Variants in ANKK1 observed in about 807,000 individuals in gnomAD.
ANKK1 encodes the protein ankyrin repeat and kinase domain containing 1, also known as ankyrin repeat and protein kinase domain-containing protein 1.
A neutral mutation model predicts 37.6 loss-of-function variants in ANKK1; 37 were observed. The observed-to-expected ratio is 0.98, with a 90% confidence interval of 0.76 to 1.29. The LOEUF (loss-of-function observed/expected upper bound fraction) is 1.29. ANKK1 is among the 50% of genes most tolerant of loss of function. ANKK1 has a pLI of 0.00. For synonymous variants in ANKK1, 415 were observed against 418.7 expected (o/e 0.99, Z 0.11); for missense variants, 1,019 against 990.6 (o/e 1.03, Z -0.39).
chr11:113,397,939 G>GCCACTGATCT (rs1950652416), intron 6 of ANKK1, 41 bp from the exon 7 acceptor site: 1 of 1,552,672 alleles, frequency 6.4e-7, no homozygotes, highest in Non-Finnish European at 8.7e-7. Context: ...CTAGAACTGC[G>GCCACTGATCT]CCACTGATCT....
At chr11:113,393,273 A>G (rs1451415069) in intron 1 of ANKK1, among the ~76,000 whole-genome samples, 1 of 152,018 alleles carries the variant, frequency 6.6e-6, no homozygotes, top group Non-Finnish European at 1.5e-5. Context: ...AAACTCCTTT[A>G]CTTCCTGCCT....
chr11:113,393,892 C>A (rs2138128057), intron 2 of ANKK1, 117 bp downstream of exon 2: 2 of 1,245,570 alleles, frequency 1.6e-6, no homozygotes, highest in East Asian at 2.5e-5. Context: ...CCTTCATGGA[C>A]AAATTCTAAA....
chr11:113,397,185 G>T, intron 5 of ANKK1, 39 bp from the exon 6 acceptor site: 1 of 1,559,806 alleles, frequency 6.4e-7, no homozygotes, highest in Admixed American at 1.7e-5. Context: ...GGGCCAGCCC[G>T]TTGCTTCCTT....
chr11:113,397,749 A>G (rs1018327306), intron 6 of ANKK1, among the ~76,000 whole-genome samples: 1 of 152,096 alleles, frequency 6.6e-6, no homozygotes, highest in African/African-American at 2.4e-5. Flanking sequence ...ACATGGCCCA[A>G]GGGGAAGGCA....
chr11:113,396,017 C>G (rs776205916), intron 4 of ANKK1, 50 bp from the exon 5 acceptor site: 2 of 1,598,176 alleles, frequency 1.3e-6, no homozygotes, highest in Non-Finnish European at 1.7e-6. Context: ...CCCCAGCTCC[C>G]CTCCAGCCCT....
At position 113,387,835 on chromosome 11, in the gene ANKK1, C is replaced by A; in HGVS notation, c.-50C>A. ...GCGGCGGCTCCTTCGGCCACCCAGGCAGCAGCCACAGCGGGGAGTGCGCGG... is the reference window on the plus strand; with the variant it reads ...GCGGCGGCTCCTTCGGCCACCCAGGAAGCAGCCACAGCGGGGAGTGCGCGG... On this transcript the variant is annotated 5_prime_UTR_variant, in exon 1 of 8. Coordinates refer to ENST00000303941, the MANE Select transcript of ANKK1 (RefSeq NM_178510.2). The A allele has an allele frequency of 6.9e-7, 1 of 1,440,426 alleles. No individual in the cohort carries two copies. The highest frequency in any genetic ancestry group is 9.1e-7 in the Non-Finnish European group (1 of 1,094,832). The allele number at this position is 1,440,426 out of a possible 1,614,324, so 89.2% of individuals were successfully genotyped here.
chr11:113,397,056 G>A (rs1950644370), intron 5 of ANKK1, among the ~76,000 whole-genome samples, 168 bp from the exon 6 acceptor site: 1 of 152,208 alleles, frequency 6.6e-6, no homozygotes, highest in Admixed American at 6.5e-5. Flanking sequence ...CTTGCTGAAG[G>A]TGCCCCACCA....
intron 1 of ANKK1, among the ~76,000 whole-genome samples, chr11:113,388,329 A>G (rs1350744192): frequency 6.6e-6 from 1 of 152,016 alleles, no homozygotes; most frequent in Non-Finnish European, 1.5e-5. Flanking sequence ...CCTACCAAAG[A>G]CGCCTTTATC....
In ANKK1 at chr11:113,396,020, C is replaced by T. The variant is rs367835181; in HGVS notation, c.683-47C>T. ...CCCCGCCTTCCTCCCCAGCTCCCCT[C>T]CAGCCCTACCTCTCAGCACCCACAT... On this transcript the variant is annotated intron_variant, in intron 4 of 7. Transcript: ENST00000303941. 11 of 1,600,384 alleles carry T rather than the reference C, an allele frequency of 6.9e-6. No individual in the cohort carries two copies. In the African/African-American group the frequency reaches 1.1e-4, roughly 16 times the overall value.
At position 113,399,592 on chromosome 11, in the gene ANKK1, G is replaced by A. The variant is rs979853585; in HGVS notation, c.1623G>A (p.Arg541=). 6.2e-7 allele frequency: 1 copy of A among 1,606,032 alleles called. No individual in the cohort carries two copies. The highest frequency in any genetic ancestry group is 1.7e-5 in the Admixed American group (1 of 59,098). ...TGGCAGTAGAGCGGGGCAAAGTGAG[G>A]GCCATCCAACACCTGCTGAAGAGTG... The part of the protein sequence containing the change: ...LHLAVERGKV[R]AIQHLLKSGA... Residue 541 remains arginine, a synonymous_variant, in exon 8 of 8, where the codon AGG becomes AGA. Transcript: ENST00000303941.
intron 1 of ANKK1, 51 bp from the exon 2 acceptor site, chr11:113,393,430 G>A: frequency 6.4e-7 from 1 of 1,551,436 alleles, no homozygotes; most frequent in Admixed American, 1.8e-5. Flanking sequence ...GCTGGTTGCT[G>A]TAGTAATGAA....
chr11:113,398,104 C>A, intron 7 of ANKK1, 88 bp downstream of exon 7: 2 of 1,435,478 alleles, frequency 1.4e-6, no homozygotes, highest in South Asian at 1.2e-5. Context: ...CCCCTGGCCT[C>A]CCCCTCATCC....
At chr11:113,389,209 GACATGATTAC>G (rs1950570167) in intron 1 of ANKK1, among the ~76,000 whole-genome samples, 1 of 152,148 alleles carries the variant, frequency 6.6e-6, no homozygotes, top group Non-Finnish European at 1.5e-5. Context: ...AGATGGCAGT[GACATGATTAC>G]ACTGTGAGAC....
rs528066691 is a variant in ANKK1 at position 113,399,201 on chromosome 11, G to T, written c.1232G>T (p.Cys411Phe). 6.2e-7 allele frequency: 1 copy of T among 1,603,286 alleles called. No individual in the cohort carries two copies. Among genetic ancestry groups the T allele is most frequent in the African/African-American group, 1.3e-5 (1 of 74,688 alleles). The change falls in exon 8 of 8, where the codon TGT (cysteine) becomes TTT (phenylalanine). Residue 411 changes from cysteine (C) to phenylalanine (F), a missense_variant. Physicochemically the swap from Cys to Phe is radical, Grantham distance 205. Coordinates refer to ENST00000303941, the MANE Select transcript of ANKK1 (RefSeq NM_178510.2). Reference sequence around the variant, plus strand: ...GCCCAGGACCAGCAACCCGACCTCTGTGCCCTGCTTTTGGCACATGGTGCT... The same window carrying T: ...GCCCAGGACCAGCAACCCGACCTCTTTGCCCTGCTTTTGGCACATGGTGCT... ...IAAQDQQPDL[C>F]ALLLAHGADA...
Position 113,397,210 on chromosome 11 carries a change from C to T in ANKK1, c.839-14C>T. 6.3e-7 allele frequency: 1 copy of T among 1,598,536 alleles called. No homozygotes were observed. The highest frequency in any genetic ancestry group is 8.5e-7 in the Non-Finnish European group (1 of 1,174,852). On this transcript the variant is annotated splice_polypyrimidine_tract_variant and intron_variant, in intron 5 of 7. Transcript: ENST00000303941. Reference sequence around the variant, plus strand: ...GTTGCTTCCTTTCCTGTCTTTCTCCCACTCATGGAGCAGACATTACCATCG... The same window carrying T: ...GTTGCTTCCTTTCCTGTCTTTCTCCTACTCATGGAGCAGACATTACCATCG...
Position 113,399,133 on chromosome 11 carries a change from G to A in ANKK1, c.1164G>A (p.Val388=), listed in dbSNP as rs899701167. The part of the protein sequence containing the change: ...VRLLLAHEVD[V]DCQTASGYTP... ...TGCTGCTGGCCCACGAGGTAGACGT[G>A]GACTGCCAGACGGCCTCTGGATACA... The change falls in exon 8 of 8, where the codon GTG becomes GTA. Residue 388 remains valine (V), a synonymous_variant. Coordinates refer to ENST00000303941, the MANE Select transcript of ANKK1 (RefSeq NM_178510.2). The A allele has an allele frequency of 6.3e-7, 1 of 1,594,804 alleles. No homozygotes were observed. Among genetic ancestry groups the A allele is most frequent in the Admixed American group, 1.7e-5 (1 of 57,510 alleles).
chr11:113,396,418 T>C (rs1007983257), intron 5 of ANKK1, among the ~76,000 whole-genome samples, 196 bp downstream of exon 5: 5 of 150,220 alleles, frequency 3.3e-5, no homozygotes, highest in African/African-American at 1.2e-4. Context: ...TACTTCACCA[T>C]AAGCTCAAAC....
In ANKK1 at chr11:113,399,508, G is replaced by C; in HGVS notation, c.1539G>C (p.Leu513=). The C allele has an allele frequency of 6.3e-7, 1 of 1,593,912 alleles. No individual in the cohort carries two copies. The highest frequency in any genetic ancestry group is 8.5e-7 in the Non-Finnish European group (1 of 1,170,666). ...GCCATGTTAGCCTGGTCAAGCTGCT[G>C]ACCAGCCAGGGGGCTGAGTTGGATG... ...YFGHVSLVKL[L]TSQGAELDAQ... Residue 513 remains leucine (L), a synonymous_variant, in exon 8 of 8, where the codon CTG becomes CTC. Coordinates refer to ENST00000303941, the MANE Select transcript of ANKK1 (RefSeq NM_178510.2).
chr11:113,393,288 G>C (rs558707928), intron 1 of ANKK1, among the ~76,000 whole-genome samples, 193 bp from the exon 2 acceptor site: 1 of 152,116 alleles, frequency 6.6e-6, no homozygotes, highest in Non-Finnish European at 1.5e-5. Flanking sequence ...CTGCCTTGTT[G>C]CTGCTGTACT....
Sources: gnomAD v4.1 joint callset for allele counts (sites outside exome capture counted in the v4.1 genomes callset) on GRCh38, gnomAD v4.1.1 for gene constraint, MANE v1.5 for transcripts, NCBI Gene and HGNC (gene_info 2026-07-23, HGNC 2026-07-21) for gene names.